CFAP46: variants seen among roughly 807,000 people sequenced by gnomAD.
CFAP46 encodes the protein cilia and flagella associated protein 46, also known as cilia- and flagella-associated protein 46.
Under a neutral mutation model 325.7 loss-of-function variants are expected in CFAP46, and 245 were observed. The ratio of observed to expected loss-of-function variants is 0.75; its 90% CI spans 0.68 to 0.84. The LOEUF (loss-of-function observed/expected upper bound fraction) is 0.84, where lower values mean the gene tolerates loss of function less well. Ranked by LOEUF, CFAP46 falls within the 40% of genes least tolerant of loss-of-function variation. The pLI is 0.00. For synonymous variants in CFAP46, 1,523 were observed against 1,495.9 expected (o/e 1.02, Z -0.42); for missense variants, 3,346 against 3,543.0 (o/e 0.94, Z 1.41).
chr10:132,824,473 T>C (rs1018320448), intron 50 of CFAP46, among the ~76,000 whole-genome samples: 2 of 119,652 alleles, frequency 1.7e-5, no homozygotes, highest in Non-Finnish European at 3.5e-5. Context: ...ATGTGTGCTG[T>C]GTGTGCTGTG....
At chr10:132,894,401 A>C (rs1380353714) in intron 24 of CFAP46, among the ~76,000 whole-genome samples, 1 of 152,208 alleles carries the variant, frequency 6.6e-6, no homozygotes, top group East Asian at 1.9e-4. Context: ...GTATTAAAGA[A>C]GGATCTCAAC....
In CFAP46 at chr10:132,922,493, A is replaced by G; in HGVS notation, c.1472T>C (p.Met491Thr). 6.5e-7 allele frequency: 1 copy of G among 1,535,348 alleles called. No homozygotes were observed. Among genetic ancestry groups the G allele is most frequent in the South Asian group, 1.2e-5 (1 of 83,776 alleles). Residue 491 changes from methionine to threonine, a missense_variant, in exon 12 of 58, where the codon ATG becomes ACG. Coordinates refer to ENST00000368586, the MANE Select transcript of CFAP46 (RefSeq NM_001200049.3). ...CCGGGGCGGCACCTGCTCAACGGCCATGATGGCCTTGTCCTCTGCGCGCTC... is the reference window on the plus strand; with the variant it reads ...CCGGGGCGGCACCTGCTCAACGGCCGTGATGGCCTTGTCCTCTGCGCGCTC... ...APERAEDKAIMAVEQAKKATP... is the reference protein window; with the variant it reads ...APERAEDKAITAVEQAKKATP...
intron 37 of CFAP46, 61 bp from the exon 38 acceptor site, chr10:132,859,308 G>A (rs1467688595): frequency 7.7e-6 from 11 of 1,429,024 alleles, no homozygotes; most frequent in African/African-American, 1.4e-5. Context: ...CAGGGCTTGC[G>A]GCTGGGCTGC....
intron 6 of CFAP46, 109 bp downstream of exon 6, chr10:132,937,443 T>C (rs754978339): frequency 1.0e-5 from 14 of 1,364,788 alleles, no homozygotes; most frequent in East Asian, 4.7e-5. Context: ...TGTATGCATA[T>C]AGATTTTTAT....
intron 24 of CFAP46, among the ~76,000 whole-genome samples, chr10:132,894,190 A>C (rs1303187493): frequency 6.6e-6 from 1 of 152,280 alleles, no homozygotes; most frequent in African/African-American, 2.4e-5. Context: ...CTAGTTACAG[A>C]TATTGCAGCT....
intron 50 of CFAP46, among the ~76,000 whole-genome samples, chr10:132,829,280 T>C (rs1848110847): frequency 6.6e-6 from 1 of 152,192 alleles, no homozygotes; most frequent in Non-Finnish European, 1.5e-5. Context: ...CTTGCACCTT[T>C]TGTCAAACTT....
intron 17 of CFAP46, among the ~76,000 whole-genome samples, chr10:132,913,908 G>A (rs755753315): frequency 3.2e-4 from 48 of 149,580 alleles, no homozygotes; most frequent in African/African-American, 6.2e-4. Flanking sequence ...CAGCCCCCTC[G>A]TTCCAGTTTG....
At chr10:132,902,003 T>C (rs1383748092) in intron 22 of CFAP46, among the ~76,000 whole-genome samples, 2 of 152,174 alleles carry the variant, frequency 1.3e-5, no homozygotes, top group East Asian at 3.8e-4. Context: ...TGCTAACTCC[T>C]TTCCAGGATC....
Position 132,942,493 on chromosome 10 carries a change from C to A in CFAP46, c.-9G>T, listed in dbSNP as rs1286691218. On this transcript the variant is annotated 5_prime_UTR_variant, in exon 1 of 58. Coordinates refer to ENST00000368586, the MANE Select transcript of CFAP46 (RefSeq NM_001200049.3). ...GTGATGACCAGGTCCATGGCGCCGG[C>A]GCCCTGCTCGTCCGCTCTCTCCGGG... The A allele has an allele frequency of 2.5e-5, 32 of 1,275,502 alleles. No homozygotes were observed. Among genetic ancestry groups the A allele is most frequent in the Non-Finnish European group, 3.2e-5 (32 of 1,012,714 alleles). 79.0% of individuals were successfully genotyped at this position (1,275,502 alleles called of 1,614,324 possible).
rs966648086 is a variant in CFAP46 at position 132,922,574 on chromosome 10, C to T, written c.1391G>A (p.Arg464Lys). 2.6e-6 allele frequency: 4 copies of T among 1,548,458 alleles called. No individual in the cohort carries two copies. Among genetic ancestry groups the T allele is most frequent in the Non-Finnish European group, 3.5e-6 (4 of 1,146,798 alleles). ...CAGCCGGGTGGAGGCCATCTGGATC[C>T]TGTCCCGGTAGAGGCCCAGGCTGTC... ...RLDSLGLYRD[R>K]IQMASTRLRL... Residue 464 changes from arginine to lysine, a missense_variant, in exon 12 of 58, where the codon AGG becomes AAG. By Grantham distance (26) the Arg-to-Lys change is conservative. Transcript: ENST00000368586.
In CFAP46 at chr10:132,939,943, T is replaced by C. The variant is rs576491300; in HGVS notation, c.371+1053A>G. Among the ~76,000 whole-genome samples the C allele has an allele frequency of 6.6e-6, 1 of 152,280 alleles. No individual in the cohort carries two copies. Among genetic ancestry groups the C allele is most frequent in the East Asian group, 1.9e-4 (1 of 5,170 alleles). ...ACACAACCTGGACCCTTCCCAAAGA[T>C]GGTCCTGACCTCTGGCAAGGCTCTG... On this transcript the variant is annotated intron_variant, in intron 4 of 57. Coordinates refer to ENST00000368586, the MANE Select transcript of CFAP46 (RefSeq NM_001200049.3). The surrounding 1 kb of genome is among the most constrained non-coding windows in gnomAD (Gnocchi z 4.6).
chr10:132,833,432 T>A lies in CFAP46; in HGVS notation c.7043A>T (p.Glu2348Val). ...LPLEGLSVFD[E>V]GTISSVSREF... is the part of the protein sequence containing the mutation. The stretch of plus-strand genomic sequence containing the variant: ...TCGTGACACAGAGGAAATTGTCCCT[T>A]CATCGAACACAGAGAGACCTTCCAG... The change falls in exon 50 of 58, where the codon GAA (glutamate) becomes GTA (valine). Residue 2348 changes from glutamate (E) to valine (V), a missense_variant. Physicochemically the swap from Glu to Val is moderately radical, Grantham distance 121. Transcript: ENST00000368586. 1 of 1,614,146 alleles carries A rather than the reference T, an allele frequency of 6.2e-7. No individual in the cohort carries two copies. Among genetic ancestry groups the A allele is most frequent in the Middle Eastern group, 1.6e-4 (1 of 6,062 alleles).
intron 16 of CFAP46, among the ~76,000 whole-genome samples, chr10:132,917,696 G>A (rs1849661591): frequency 6.6e-6 from 1 of 152,178 alleles, no homozygotes; most frequent in Admixed American, 6.5e-5. Context: ...AATCTCCCAA[G>A]AATCCAGGAA....
chr10:132,907,717 C>T (rs1252195938), intron 22 of CFAP46, among the ~76,000 whole-genome samples: 3 of 152,210 alleles, frequency 2.0e-5, no homozygotes, highest in Admixed American at 2.0e-4. Context: ...ATCCTCACCC[C>T]CACAGTGATG....
chr10:132,941,761 A>AG, intron 2 of CFAP46, 39 bp from the exon 3 acceptor site: 3 of 1,611,586 alleles, frequency 1.9e-6, no homozygotes, highest in Non-Finnish European at 1.7e-6. Flanking sequence ...ACAGACCCGG[A>AG]GGGGTGGCCT....
intron 25 of CFAP46, among the ~76,000 whole-genome samples, chr10:132,890,250 G>A (rs184599539): frequency 5.9e-5 from 9 of 152,044 alleles, no homozygotes; most frequent in Non-Finnish European, 7.4e-5. Flanking sequence ...CCCGAGCCAC[G>A]TACTGAAGGG....
Position 132,937,648 on chromosome 10 carries a change from G to T in CFAP46, c.564C>A (p.Ala188=). The T allele has an allele frequency of 6.2e-7, 1 of 1,611,882 alleles. No homozygotes were observed. The highest frequency in any genetic ancestry group is 1.1e-5 in the South Asian group (1 of 90,642). ...MLELLECYLQ[A]GRKEEAARFC... is the part of the protein sequence containing the mutation. ...ACCTGGCAGCCTCCTCCTTTCTTCC[G>T]GCTTGCAGATAACACTCCAGAAGTT... Residue 188 remains alanine (A), a synonymous_variant, in exon 6 of 58, where the codon GCC becomes GCA. Transcript: ENST00000368586.
chr10:132,822,384 C>CAG (rs1210868469), intron 50 of CFAP46, among the ~76,000 whole-genome samples: 5 of 123,612 alleles, frequency 4.0e-5, no homozygotes, highest in African/African-American at 1.3e-4. Flanking sequence ...TGTGTGTGTG[C>CAG]TGATGTGTGC....
At chr10:132,922,355 G>A (rs1340980239) in intron 12 of CFAP46, 125 bp downstream of exon 12, 41 of 1,450,960 alleles carry the variant, frequency 2.8e-5, no homozygotes, top group Middle Eastern at 4.5e-4. Context: ...GTGACAGCTC[G>A]GTCCCAGGCC....
Sources: gnomAD v4.1 joint callset for allele counts (sites outside exome capture counted in the v4.1 genomes callset) on GRCh38, gnomAD v4.1.1 for gene constraint, Gnocchi (gnomAD v3.1) non-coding constraint, MANE v1.5 for transcripts, NCBI Gene and HGNC (gene_info 2026-07-23, HGNC 2026-07-21) for gene names.